The following RNF220 variants were observed in gnomAD, a reference collection of about 807,000 sequenced individuals.
The protein encoded by RNF220 is ring finger protein 220.
In RNF220, 7 loss-of-function variants were observed where a neutral mutation model predicts 67.1. That is an observed-to-expected ratio of 0.10 (90% CI 0.06 to 0.20). The LOEUF (loss-of-function observed/expected upper bound fraction) is 0.20, where lower values mean the gene tolerates loss of function less well. RNF220 is among the 10% of genes least tolerant of loss of function. The pLI, the probability that RNF220 is intolerant of heterozygous loss-of-function variation, is 1.00. For missense variants in RNF220, 565 were observed against 740.3 expected, an observed-to-expected ratio of 0.76 and a Z score of 2.75; for synonymous variants, 270 against 283.2, an observed-to-expected ratio of 0.95 and a Z score of 0.47.
chr1:44,561,275 G>T (rs1429202963), intron 2 of RNF220, among the ~76,000 whole-genome samples: 1 of 152,076 alleles, frequency 6.6e-6, no homozygotes, highest in Non-Finnish European at 1.5e-5. Context: ...ACTTTGGGAG[G>T]CCAAGGTGGA....
chr1:44,563,530 A>G (rs1357097695), intron 2 of RNF220, among the ~76,000 whole-genome samples: 2 of 152,170 alleles, frequency 1.3e-5, no homozygotes, highest in Non-Finnish European at 2.9e-5. Context: ...CTCGTTCTTG[A>G]AATTCTCTGA....
chr1:44,529,109 A>G (rs1434036349), intron 2 of RNF220, among the ~76,000 whole-genome samples: 1 of 152,210 alleles, frequency 6.6e-6, no homozygotes, highest in Non-Finnish European at 1.5e-5. Context: ...TTCTAAGAAA[A>G]TAATTAGATA....
chr1:44,629,828 G>A (rs1644064194), intron 5 of RNF220, among the ~76,000 whole-genome samples: 1 of 152,234 alleles, frequency 6.6e-6, no homozygotes, highest in African/African-American at 2.4e-5. Flanking sequence ...AGACAAGGAA[G>A]AAAGGTTACT....
chr1:44,611,329 T>G (rs1159444894), intron 2 of RNF220, among the ~76,000 whole-genome samples: 7 of 152,240 alleles, frequency 4.6e-5, no homozygotes, highest in African/African-American at 1.7e-4. Context: ...GCAAAGCAGA[T>G]GAACTGAGTA....
chr1:44,415,221 T>C (rs1648400274), intron 2 of RNF220, among the ~76,000 whole-genome samples: 1 of 151,932 alleles, frequency 6.6e-6, no homozygotes. Flanking sequence ...GTCTGTTTTA[T>C]GTAAATACAT....
At chr1:44,633,701 T>G (rs1225183253) in intron 6 of RNF220, among the ~76,000 whole-genome samples, 1 of 152,202 alleles carries the variant, frequency 6.6e-6, no homozygotes, top group African/African-American at 2.4e-5. Flanking sequence ...CATTGTGGTA[T>G]CATCAGCACC....
At chr1:44,583,150 A>G (rs1665436531) in intron 2 of RNF220, among the ~76,000 whole-genome samples, 1 of 152,110 alleles carries the variant, frequency 6.6e-6, no homozygotes, top group Non-Finnish European at 1.5e-5. Context: ...TCAAGACAAT[A>G]TGAGAGGGGA....
intron 2 of RNF220, among the ~76,000 whole-genome samples, chr1:44,607,090 C>G (rs533292058): frequency 3.3e-5 from 5 of 152,188 alleles, no homozygotes; most frequent in Admixed American, 2.0e-4. Flanking sequence ...TTAACTTCCA[C>G]GTCCAATCCA....
chr1:44,512,993 C>G (rs1177991481), intron 2 of RNF220, among the ~76,000 whole-genome samples: 1 of 152,172 alleles, frequency 6.6e-6, no homozygotes, highest in African/African-American at 2.4e-5. Flanking sequence ...TCCCAACAGA[C>G]CAGCTTTCAT....
chr1:44,524,236 C>G (rs539033698), intron 2 of RNF220, among the ~76,000 whole-genome samples: 45 of 152,196 alleles, frequency 3.0e-4, no homozygotes, highest in African/African-American at 1.0e-3. Context: ...CGGGCCCTCT[C>G]TCCTGCGAAC....
At chr1:44,434,803 C>A (rs1650786348) in intron 2 of RNF220, among the ~76,000 whole-genome samples, 1 of 150,870 alleles carries the variant, frequency 6.6e-6, no homozygotes, top group Non-Finnish European at 1.5e-5. Context: ...TGTGAAAAGG[C>A]CATTGCACAG....
At chr1:44,583,353 G>A (rs545940346) in intron 2 of RNF220, among the ~76,000 whole-genome samples, 16 of 152,168 alleles carry the variant, frequency 1.1e-4, no homozygotes, top group African/African-American at 2.7e-4. Context: ...TTGGCTTCTC[G>A]CAAAGTAATC....
At chr1:44,625,338 G>A (rs1643907870) in intron 4 of RNF220, among the ~76,000 whole-genome samples, 1 of 152,242 alleles carries the variant, frequency 6.6e-6, no homozygotes, top group Non-Finnish European at 1.5e-5. Flanking sequence ...TGCCAGACCA[G>A]CAGCTGTCCC....
At chr1:44,632,668 T>A in intron 6 of RNF220, 2 of 553,276 alleles carry the variant, frequency 3.6e-6, no homozygotes, top group Non-Finnish European at 6.5e-6. Context: ...GCTACACAAT[T>A]CTACTCGGGA....
intron 2 of RNF220, among the ~76,000 whole-genome samples, chr1:44,456,357 A>G (rs1292369808): frequency 6.6e-6 from 1 of 152,254 alleles, no homozygotes; most frequent in South Asian, 2.1e-4. Flanking sequence ...CTTTCACATT[A>G]CATTAACTAT....
intron 2 of RNF220, among the ~76,000 whole-genome samples, chr1:44,613,819 G>A (rs1433506544): frequency 2.6e-5 from 4 of 152,228 alleles, no homozygotes; most frequent in African/African-American, 9.6e-5. Context: ...AGAGGTTGCA[G>A]TGAGCCAAGA....
intron 2 of RNF220, among the ~76,000 whole-genome samples, chr1:44,474,730 A>G (rs1655138092): frequency 6.6e-6 from 1 of 152,038 alleles, no homozygotes; most frequent in Non-Finnish European, 1.5e-5. Context: ...AAACAAAAAC[A>G]ACAATACAAA....
chr1:44,545,972 C>T (rs1330646362), intron 2 of RNF220, among the ~76,000 whole-genome samples: 3 of 152,098 alleles, frequency 2.0e-5, no homozygotes, highest in African/African-American at 7.2e-5. Context: ...TGCATGTTCT[C>T]CTACCTCATT....
chr1:44,446,727 T>G (rs1363537361), intron 2 of RNF220, among the ~76,000 whole-genome samples: 3 of 151,866 alleles, frequency 2.0e-5, no homozygotes, highest in Non-Finnish European at 4.4e-5. Context: ...CCCAGCTAAT[T>G]TTTGTATTTT....
Sources: allele counts gnomAD v4.1 joint callset (sites outside exome capture counted in the v4.1 genomes callset), GRCh38; gene constraint gnomAD v4.1.1; transcripts MANE v1.5; gene names NCBI Gene and HGNC (gene_info 2026-07-23, HGNC 2026-07-21).